Variants in RBFOX1 observed in about 807,000 individuals in gnomAD.
RBFOX1 encodes the protein RNA binding protein fox-1 homolog 1.
In RBFOX1, 8 loss-of-function variants were observed where a neutral mutation model predicts 57.7. The ratio of observed to expected loss-of-function variants is 0.14; its 90% CI spans 0.08 to 0.25. RBFOX1 has a LOEUF of 0.25. RBFOX1 is among the 10% of genes least tolerant of loss of function. RBFOX1 has a pLI of 1.00. For missense variants in RBFOX1, 611 were observed against 548.5 expected, an observed-to-expected ratio of 1.11 and a Z score of -1.14; for synonymous variants, 326 against 222.4, an observed-to-expected ratio of 1.47 and a Z score of -4.15.
chr16:5,309,405 C>T (rs1373327932), intron 1 of RBFOX1, among the ~76,000 whole-genome samples: 1 of 152,152 alleles, frequency 6.6e-6, no homozygotes, highest in Admixed American at 6.6e-5. Flanking sequence ...TGGTTATATG[C>T]CACAGTAAGT....
At chr16:5,995,613 T>C (rs1042882741) in intron 4 of RBFOX1, among the ~76,000 whole-genome samples, 3 of 152,216 alleles carry the variant, frequency 2.0e-5, no homozygotes, top group African/African-American at 7.2e-5. Flanking sequence ...TTTTCTAAAA[T>C]AGAATGGACA....
At chr16:6,674,825 A>G (rs564852790) in intron 3 of RBFOX1, among the ~76,000 whole-genome samples, 1 of 152,278 alleles carries the variant, frequency 6.6e-6, no homozygotes, top group African/African-American at 2.4e-5. Context: ...CCCTATTAGG[A>G]CTTTGATTTC....
intron 2 of RBFOX1, among the ~76,000 whole-genome samples, chr16:6,542,694 G>GA (rs2096839889): frequency 1.3e-5 from 2 of 151,666 alleles, no homozygotes; most frequent in African/African-American, 4.8e-5. Flanking sequence ...GGGTTTCACT[G>GA]TGTTAGCCAG....
intron 15 of RBFOX1, chr16:7,709,593 C>T (rs897673596): frequency 2.0e-6 from 3 of 1,531,192 alleles, no homozygotes; most frequent in Non-Finnish European, 2.6e-6. Context: ...CCTCTCCTCC[C>T]CTATTACAAT....
chr16:6,271,532 CT>C (rs1406772675), intron 1 of RBFOX1, among the ~76,000 whole-genome samples: 1 of 152,138 alleles, frequency 6.6e-6, no homozygotes, highest in African/African-American at 2.4e-5. Context: ...AAGAAGCTGG[CT>C]TTTTGAACAG....
At chr16:7,594,363 C>A (rs1034428954) in intron 7 of RBFOX1, among the ~76,000 whole-genome samples, 4 of 152,226 alleles carry the variant, frequency 2.6e-5, no homozygotes, top group African/African-American at 9.6e-5. Flanking sequence ...AAGAGGAGCC[C>A]CAACATATTG....
At chr16:6,592,179 T>C (rs1374771253) in intron 2 of RBFOX1, among the ~76,000 whole-genome samples, 1 of 152,184 alleles carries the variant, frequency 6.6e-6, no homozygotes, top group African/African-American at 2.4e-5. Context: ...TCCTTTAACG[T>C]CTCTGCAATA....
chr16:7,262,243 C>G (rs955302177), intron 4 of RBFOX1, among the ~76,000 whole-genome samples: 1 of 151,842 alleles, frequency 6.6e-6, no homozygotes, highest in African/African-American at 2.4e-5. Flanking sequence ...GCATGCATAG[C>G]CTGCCATTTT....
chr16:7,471,620 C>T (rs187197955), intron 4 of RBFOX1, among the ~76,000 whole-genome samples: 123 of 152,234 alleles, frequency 8.1e-4, no homozygotes, highest in Non-Finnish European at 1.4e-3. Flanking sequence ...GTGGAGATGG[C>T]TTCTTTACCC....
intron 3 of RBFOX1, among the ~76,000 whole-genome samples, chr16:7,019,997 T>C (rs2094125609): frequency 6.6e-6 from 1 of 151,130 alleles, no homozygotes; most frequent in African/African-American, 2.4e-5. Flanking sequence ...TTTTTTTCTC[T>C]GATGAAGTGC....
chr16:5,350,773 G>A (rs2065245430), intron 1 of RBFOX1, among the ~76,000 whole-genome samples: 1 of 152,196 alleles, frequency 6.6e-6, no homozygotes, highest in Non-Finnish European at 1.5e-5. Flanking sequence ...GACTGAGGCA[G>A]GAGAATCACT....
At chr16:6,886,354 G>A (rs761480774) in intron 3 of RBFOX1, among the ~76,000 whole-genome samples, 1 of 151,960 alleles carries the variant, frequency 6.6e-6, no homozygotes, top group Non-Finnish European at 1.5e-5. Flanking sequence ...GAGTCACTGC[G>A]CCCGGCCCAG....
At chr16:5,814,898 C>T (rs181221909) in intron 3 of RBFOX1, among the ~76,000 whole-genome samples, 39 of 151,914 alleles carry the variant, frequency 2.6e-4, no homozygotes, top group African/African-American at 7.2e-4. Context: ...CACTGCAGTC[C>T]GCAGTCCGGC....
rs184780603 is a variant in RBFOX1, at chr16:7,659,108, G to C, written c.890+5161G>C. ...TTGTTCTCTAGGTATCTCTGAGTAA[G>C]ATTTTCTGCCCTTTCTCAGGTAATT... is the stretch of plus-strand genomic sequence containing the variant. On this transcript the variant is annotated intron_variant, in intron 12 of 15. Transcript: ENST00000550418. Among the ~76,000 whole-genome samples the C allele has an allele frequency of 3.0e-4, 45 of 152,304 alleles. 1 individual carries two copies. In the East Asian group the frequency reaches 7.1e-3, roughly 24 times the overall value.
At position 6,417,707 on chromosome 16, in the gene RBFOX1, T is replaced by A. The variant is rs867734559; in HGVS notation, c.-64+100650T>A. ...GTCTGGCCTTAAACTCCTTTCTTTT[T>A]AAAAAAAAAAAAAATTAAGTTCAAG... is the stretch of plus-strand genomic sequence containing the variant. On this transcript the variant is annotated intron_variant, in intron 2 of 15. Transcript: ENST00000550418. Among the ~76,000 whole-genome samples, 440 of 146,622 alleles carry A rather than the reference T, an allele frequency of 3.0e-3. 2 individuals are homozygous for A. The highest frequency in any genetic ancestry group is 9.3e-3 in the African/African-American group (371 of 40,044).
At chr16:5,515,435 A>T (rs934735776) in intron 2 of RBFOX1, among the ~76,000 whole-genome samples, 1 of 152,192 alleles carries the variant, frequency 6.6e-6, no homozygotes, top group Admixed American at 6.5e-5. Flanking sequence ...GTTTGTGAAG[A>T]GGTGTTTTGT....
intron 2 of RBFOX1, among the ~76,000 whole-genome samples, chr16:5,545,372 A>G (rs1006545670): frequency 1.6e-4 from 24 of 152,340 alleles, no homozygotes; most frequent in Non-Finnish European, 3.1e-4. Context: ...GGAGACAGGT[A>G]TTGCCCTAAT....
chr16:5,888,358 C>G (rs889823427), intron 4 of RBFOX1, among the ~76,000 whole-genome samples: 4 of 152,066 alleles, frequency 2.6e-5, no homozygotes, highest in Admixed American at 2.6e-4. Flanking sequence ...TGACTTATCA[C>G]AATTTATGAT....
chr16:6,608,127 C>G (rs2097972540), intron 2 of RBFOX1, among the ~76,000 whole-genome samples: 1 of 152,164 alleles, frequency 6.6e-6, no homozygotes, highest in Non-Finnish European at 1.5e-5. Flanking sequence ...TCAAGAAATA[C>G]TATTTCATTG....
Sources: allele counts gnomAD v4.1 joint callset (sites outside exome capture counted in the v4.1 genomes callset), GRCh38; gene constraint gnomAD v4.1.1; transcripts MANE v1.5; gene names NCBI Gene and HGNC (gene_info 2026-07-23, HGNC 2026-07-21).